GRK7: variants seen among roughly 807,000 people sequenced by gnomAD.
GRK7 encodes the protein G protein-coupled receptor kinase 7.
Under a neutral mutation model 34.1 loss-of-function variants are expected in GRK7, and 24 were observed. That is an observed-to-expected ratio of 0.70 (90% CI 0.51 to 0.99). The LOEUF is 0.99. Ranked by LOEUF, GRK7 falls within the 50% of genes least tolerant of loss-of-function variation. The pLI is 0.00. For missense variants in GRK7, 644 were observed against 707.3 expected (o/e 0.91, Z 1.02); for synonymous variants, 256 against 279.4 (o/e 0.92, Z 0.84).
chr3:141,796,073 T>A (rs1710868976), intron 4 of GRK7, among the ~76,000 whole-genome samples: 2 of 152,196 alleles, frequency 1.3e-5, no homozygotes, highest in African/African-American at 4.8e-5. Flanking sequence ...TGAAATATAG[T>A]CCTGCAGGTC....
intron 4 of GRK7, among the ~76,000 whole-genome samples, chr3:141,793,275 C>G (rs923396198): frequency 2.6e-5 from 4 of 152,060 alleles, no homozygotes; most frequent in African/African-American, 9.7e-5. Context: ...CACTGGCATT[C>G]AAAGCCTAGA....
chr3:141,770,244 C>G (rs896659548), intron 1 of GRK7, among the ~76,000 whole-genome samples: 2 of 152,190 alleles, frequency 1.3e-5, no homozygotes, highest in African/African-American at 4.8e-5. Flanking sequence ...GGGAACAATT[C>G]ATTTTCCAGC....
the GRK7 span, among the ~76,000 whole-genome samples, chr3:141,756,205 A>T: frequency 6.6e-6 from 1 of 151,940 alleles, no homozygotes; most frequent in Non-Finnish European, 1.5e-5. Context: ...CTAGCTACTC[A>T]GGAGGCTAAG....
At chr3:141,803,061 A>G (rs936949392) in intron 4 of GRK7, among the ~76,000 whole-genome samples, 1 of 152,158 alleles carries the variant, frequency 6.6e-6, no homozygotes, top group African/African-American at 2.4e-5. Flanking sequence ...AATACCCATT[A>G]CCTAGAGTTT....
intron 4 of GRK7, among the ~76,000 whole-genome samples, chr3:141,799,595 G>C (rs916644060): frequency 6.6e-6 from 1 of 151,572 alleles, no homozygotes; most frequent in African/African-American, 2.4e-5. Context: ...CTGGGTGATA[G>C]AGTGAGGCTC....
In GRK7 at chr3:141,780,376, A is replaced by G; in HGVS notation, c.615A>G (p.Val205=). Residue 205 remains valine, a splice_region_variant and synonymous_variant, in exon 4 of 6, where the codon GTA becomes GTG. Coordinates refer to ENST00000682958, the MANE Select transcript of GRK7 (RefSeq NM_139209.3). ...TCTTCTTTTCTTTCTCCTTTAAGGT[A>G]TGTGCCGTCCAGGTGAAAAACACTG... The part of the protein sequence containing the change: ...RVLGKGGFGE[V]CAVQVKNTGK... 1 of 1,613,474 alleles carries G rather than the reference A, an allele frequency of 6.2e-7. No individual in the cohort carries two copies. The highest frequency in any genetic ancestry group is 8.5e-7 in the Non-Finnish European group (1 of 1,179,650).
At chr3:141,756,071 C>T in the GRK7 span, among the ~76,000 whole-genome samples, 4 of 150,594 alleles carry the variant, frequency 2.7e-5, no homozygotes, top group Middle Eastern at 3.2e-3. Context: ...AAGCACTTTG[C>T]GAGGCCGAGG....
At chr3:141,771,931 C>A (rs372137313) in intron 1 of GRK7, among the ~76,000 whole-genome samples, 1 of 151,762 alleles carries the variant, frequency 6.6e-6, no homozygotes, top group African/African-American at 2.4e-5. Flanking sequence ...GTGATCCACC[C>A]GTCTCAGCCT....
chr3:141,775,960 A>AT (rs969244636), intron 2 of GRK7, among the ~76,000 whole-genome samples: 3 of 151,842 alleles, frequency 2.0e-5, no homozygotes, highest in Non-Finnish European at 2.9e-5. Context: ...CAGTGAAAGC[A>AT]TTTTTTTTCC....
intron 1 of GRK7, among the ~76,000 whole-genome samples, chr3:141,773,834 A>G (rs972198660): frequency 2.6e-5 from 4 of 152,344 alleles, no homozygotes; most frequent in African/African-American, 7.2e-5. Context: ...ATAAATGATG[A>G]AACTAAGGCT....
chr3:141,793,183 A>C (rs569310798), intron 4 of GRK7, among the ~76,000 whole-genome samples: 29 of 152,226 alleles, frequency 1.9e-4, no homozygotes, highest in Non-Finnish European at 4.0e-4. Context: ...CTGCTGTGGC[A>C]AATTAATTGA....
At chr3:141,779,754 GGT>G (rs1228019755) in intron 3 of GRK7, among the ~76,000 whole-genome samples, 2 of 152,036 alleles carry the variant, frequency 1.3e-5, no homozygotes, top group African/African-American at 4.8e-5. Context: ...GCCTATTCTG[GGT>G]GTTTCACACA....
the GRK7 span, among the ~76,000 whole-genome samples, chr3:141,754,384 T>C: frequency 6.6e-6 from 1 of 151,794 alleles, no homozygotes; most frequent in Non-Finnish European, 1.5e-5. Context: ...TTTTTTTCTT[T>C]AGCAAGACAT....
chr3:141,752,116 T>A, the GRK7 span, among the ~76,000 whole-genome samples: 1 of 152,164 alleles, frequency 6.6e-6, no homozygotes, highest in Non-Finnish European at 1.5e-5. Flanking sequence ...AGAAAAAAAA[T>A]ACAAAGATTC....
intron 4 of GRK7, among the ~76,000 whole-genome samples, chr3:141,802,384 A>G (rs1710979152): frequency 6.6e-6 from 1 of 151,748 alleles, no homozygotes; most frequent in Admixed American, 6.6e-5. Flanking sequence ...ACACACACAC[A>G]CACACACACA....
chr3:141,758,836 A>G (rs1272938923), upstream of GRK7, among the ~76,000 whole-genome samples: 1 of 151,852 alleles, frequency 6.6e-6, no homozygotes, highest in East Asian at 1.9e-4. Flanking sequence ...TTCCTTGAGC[A>G]GTGGTTTGTA....
At chr3:141,796,742 A>G (rs765912722) in intron 4 of GRK7, among the ~76,000 whole-genome samples, 1 of 152,224 alleles carries the variant, frequency 6.6e-6, no homozygotes, top group Non-Finnish European at 1.5e-5. Context: ...TTCATAGCAC[A>G]TGAAACCACT....
chr3:141,785,955 A>AG, intron 4 of GRK7, among the ~76,000 whole-genome samples: 1 of 139,508 alleles, frequency 7.2e-6, no homozygotes, highest in East Asian at 2.1e-4. Flanking sequence ...AAAAAAAAAA[A>AG]TCTTTTGGCC....
In GRK7 at chr3:141,816,984, C is replaced by T. The variant is rs1711161762; in HGVS notation, c.1596C>T (p.Asp532=). The stretch of plus-strand genomic sequence containing the variant: ...CGGGACTGTTTGAGGAACTGAATGA[C>T]CCCAACAGACCTACGGGTTGTGAGG... ...IETGLFEELN[D]PNRPTGCEEG... The change falls in exon 6 of 6, where the codon GAC becomes GAT. Residue 532 remains aspartate, a synonymous_variant. Coordinates refer to ENST00000682958, the MANE Select transcript of GRK7 (RefSeq NM_139209.3). The T allele has an allele frequency of 1.2e-6, 2 of 1,613,806 alleles. No homozygotes were observed. The highest frequency in any genetic ancestry group is 1.7e-6 in the Non-Finnish European group (2 of 1,179,974).
Sources: gnomAD v4.1 joint callset for allele counts (sites outside exome capture counted in the v4.1 genomes callset) on GRCh38, gnomAD v4.1.1 for gene constraint, MANE v1.5 for transcripts, NCBI Gene and HGNC (gene_info 2026-07-23, HGNC 2026-07-21) for gene names.